RABGAP1L: variants seen among roughly 807,000 people sequenced by gnomAD.
The protein encoded by RABGAP1L is RAB GTPase activating protein 1 like, also known as rab GTPase-activating protein 1-like.
Under a neutral mutation model 137.7 loss-of-function variants are expected in RABGAP1L, and 63 were observed. That is an observed-to-expected ratio of 0.46 (90% CI 0.37 to 0.56). The LOEUF (loss-of-function observed/expected upper bound fraction) is 0.56, where lower values mean the gene tolerates loss of function less well. Among genes scored for constraint, RABGAP1L ranks in the 20% least tolerant of loss-of-function variants. RABGAP1L has a pLI of 0.00. For synonymous variants in RABGAP1L, 431 were observed against 433.7 expected (o/e 0.99, Z 0.08); for missense variants, 1,095 against 1,244.0 (o/e 0.88, Z 1.80).
intron 5 of RABGAP1L, among the ~76,000 whole-genome samples, chr1:174,246,543 ATATC>A (rs539266603): frequency 1.4e-3 from 216 of 152,342 alleles, no homozygotes; most frequent in Admixed American, 0.011. Context: ...TCTGTACTGA[ATATC>A]TATAGCCTTT....
At chr1:174,423,126 A>G (rs1651538539) in intron 13 of RABGAP1L, among the ~76,000 whole-genome samples, 1 of 152,084 alleles carries the variant, frequency 6.6e-6, no homozygotes, top group Admixed American at 6.6e-5. Flanking sequence ...TTTTGAAATG[A>G]AAAAGATCTA....
intron 19 of RABGAP1L, among the ~76,000 whole-genome samples, chr1:174,829,658 C>T (rs1691902571): frequency 6.7e-6 from 1 of 148,362 alleles, no homozygotes; most frequent in Non-Finnish European, 1.5e-5. Flanking sequence ...ATGCCACAGA[C>T]TTTAAAACAG....
intron 19 of RABGAP1L, among the ~76,000 whole-genome samples, chr1:174,906,425 C>A (rs973805552): frequency 6.6e-6 from 1 of 151,966 alleles, no homozygotes; most frequent in Non-Finnish European, 1.5e-5. Context: ...GTCAGGAGTT[C>A]GAGACTAGCC....
intron 14 of RABGAP1L, among the ~76,000 whole-genome samples, chr1:174,663,289 C>G (rs947065578): frequency 2.6e-5 from 4 of 152,136 alleles, no homozygotes; most frequent in African/African-American, 9.7e-5. Context: ...TTTAGACACT[C>G]AAATAATTAT....
chr1:174,320,333 A>G (rs1449742603), intron 11 of RABGAP1L, among the ~76,000 whole-genome samples: 1 of 152,196 alleles, frequency 6.6e-6, no homozygotes, highest in Non-Finnish European at 1.5e-5. Flanking sequence ...TATACATGGA[A>G]TCACTTAGTA....
intron 1 of RABGAP1L, among the ~76,000 whole-genome samples, chr1:174,187,249 T>A (rs1174678978): frequency 6.6e-6 from 1 of 151,692 alleles, no homozygotes; most frequent in East Asian, 1.9e-4. Context: ...CACCCTTTTC[T>A]CTTCCTTCAC....
intron 13 of RABGAP1L, among the ~76,000 whole-genome samples, chr1:174,515,631 C>T (rs1204360829): frequency 2.0e-5 from 3 of 152,076 alleles, no homozygotes; most frequent in Non-Finnish European, 2.9e-5. Context: ...TTGCTACAAC[C>T]ATACTTACGT....
chr1:174,243,685 T>C (rs1169999064), intron 5 of RABGAP1L, among the ~76,000 whole-genome samples: 1 of 152,190 alleles, frequency 6.6e-6, no homozygotes, highest in Non-Finnish European at 1.5e-5. Context: ...TGACTTTATG[T>C]TTCTCTTTGC....
chr1:174,189,091 C>T (rs1438243339), intron 1 of RABGAP1L, among the ~76,000 whole-genome samples: 9 of 152,110 alleles, frequency 5.9e-5, no homozygotes, highest in East Asian at 3.9e-4. Flanking sequence ...CTGCAAGCTC[C>T]GCCTCCTGGG....
intron 13 of RABGAP1L, among the ~76,000 whole-genome samples, chr1:174,574,999 C>T (rs531599686): frequency 2.2e-4 from 34 of 152,306 alleles, no homozygotes; most frequent in Admixed American, 7.8e-4. Context: ...GGCACAATCT[C>T]GGCTCACTGC....
In RABGAP1L at chr1:174,913,161, A is replaced by C. The variant is rs150015776; in HGVS notation, c.2341-44296A>C. On this transcript the variant is annotated intron_variant, in intron 19 of 25. Coordinates refer to ENST00000681986, the MANE Select transcript of RABGAP1L (RefSeq NM_001366446.1). ...TGGCTAATTTTTGTATTTTTAGTAG[A>C]GACAGGGTTTCACCACATTGGCCAG... Among the ~76,000 whole-genome samples, 1,021 of 152,208 alleles carry C rather than the reference A, an allele frequency of 6.7e-3. 11 individuals carry two copies. Among genetic ancestry groups the C allele is most frequent in the African/African-American group, 0.024 (983 of 41,542 alleles).
chr1:174,164,013 C>G (rs1366202425), intron 1 of RABGAP1L, among the ~76,000 whole-genome samples: 1 of 152,070 alleles, frequency 6.6e-6, no homozygotes, highest in Non-Finnish European at 1.5e-5. Context: ...TTCTGTGTAT[C>G]TGGGTATTCA....
chr1:174,176,699 G>C (rs1665880359), intron 1 of RABGAP1L, among the ~76,000 whole-genome samples: 1 of 100,242 alleles, frequency 1.0e-5, no homozygotes, highest in African/African-American at 4.0e-5. Context: ...ACAACAGAGG[G>C]AGACCCTTTT....
rs552561197 is a variant in RABGAP1L at position 174,212,020 on chromosome 1, C to T, written c.-33-7105C>T. ...CTAAAGAGAGGGATAGACCCAAATA[C>T]GATAACAGCTGGAAACTTCAACACA... On this transcript the variant is annotated intron_variant, in intron 1 of 25. Coordinates refer to ENST00000681986, the MANE Select transcript of RABGAP1L (RefSeq NM_001366446.1). Among the ~76,000 whole-genome samples the T allele has an allele frequency of 2.0e-3, 307 of 152,118 alleles. 1 individual carries two copies. The highest frequency in any genetic ancestry group is 6.8e-3 in the African/African-American group (283 of 41,510).
intron 13 of RABGAP1L, among the ~76,000 whole-genome samples, chr1:174,443,643 G>A (rs188321942): frequency 3.9e-5 from 6 of 151,940 alleles, no homozygotes; most frequent in East Asian, 1.9e-4. Context: ...CCTGTTCACC[G>A]TGTTGATTAT....
chr1:174,574,439 AGT>A, intron 13 of RABGAP1L, among the ~76,000 whole-genome samples: 1 of 152,142 alleles, frequency 6.6e-6, no homozygotes, highest in South Asian at 2.1e-4. Flanking sequence ...AAGTCAACAT[AGT>A]ATTCTTAGGT....
chr1:174,713,374 TC>T (rs1184281904), intron 17 of RABGAP1L, among the ~76,000 whole-genome samples: 2 of 152,212 alleles, frequency 1.3e-5, no homozygotes, highest in Non-Finnish European at 1.5e-5. Context: ...TTGATATTTG[TC>T]CCTTCCAGAT....
At chr1:174,163,008 T>G (rs1664628997) in intron 1 of RABGAP1L, among the ~76,000 whole-genome samples, 1 of 150,630 alleles carries the variant, frequency 6.6e-6, no homozygotes, top group South Asian at 2.1e-4. Flanking sequence ...AGTTAGTGGG[T>G]GCAGCGCACC....
chr1:174,182,885 A>T (rs2148298215), intron 1 of RABGAP1L, among the ~76,000 whole-genome samples: 1 of 152,320 alleles, frequency 6.6e-6, no homozygotes, highest in South Asian at 2.1e-4. Flanking sequence ...AAGTTTCTTA[A>T]GACATTTTTT....
Sources: allele counts gnomAD v4.1 joint callset (sites outside exome capture counted in the v4.1 genomes callset), GRCh38; gene constraint gnomAD v4.1.1; transcripts MANE v1.5; gene names NCBI Gene and HGNC (gene_info 2026-07-23, HGNC 2026-07-21).